The following APPL2 variants were observed in gnomAD, a reference collection of about 807,000 sequenced individuals.
APPL2 encodes the protein adaptor protein, phosphotyrosine interacting with PH domain and leucine zipper 2, also known as DCC-interacting protein 13-beta.
In APPL2, 84 loss-of-function variants were observed where a neutral mutation model predicts 92.7. The ratio of observed to expected loss-of-function variants is 0.91; its 90% CI spans 0.76 to 1.09. The LOEUF (loss-of-function observed/expected upper bound fraction) is 1.09. APPL2 is among the 50% of genes least tolerant of loss of function. The pLI, the probability that APPL2 is intolerant of heterozygous loss-of-function variation, is 0.00. For synonymous variants in APPL2, 291 were observed against 291.0 expected, an observed-to-expected ratio of 1.00 and a Z score of 0.00; for missense variants, 736 against 824.5, an observed-to-expected ratio of 0.89 and a Z score of 1.31.
intron 4 of APPL2, among the ~76,000 whole-genome samples, chr12:105,213,126 G>A (rs1458724327): frequency 6.6e-6 from 1 of 152,192 alleles, no homozygotes; most frequent in East Asian, 1.9e-4. Flanking sequence ...AATTAAGTGG[G>A]CCTTGCTGAT....
chr12:105,207,863 TAAA>T, intron 7 of APPL2, 105 bp downstream of exon 7: 2 of 802,258 alleles, frequency 2.5e-6, no homozygotes, highest in South Asian at 1.9e-5. Flanking sequence ...CATGTATAGT[TAAA>T]AAAAAAAATA....
At position 105,174,298 on chromosome 12, in the gene APPL2, C is replaced by T. The variant is rs376551884; in HGVS notation, c.*16G>A. The T allele has an allele frequency of 3.1e-5, 50 of 1,612,468 alleles. No homozygotes were observed. Among genetic ancestry groups the T allele is most frequent in the Middle Eastern group, 3.3e-4 (2 of 6,074 alleles). ...CTCTCCTTCCTGTTTGCTCTTCCCC[C>T]ACAGGCGCAAGTGAGTTATGCTTCG... On this transcript the variant is annotated 3_prime_UTR_variant, in exon 21 of 21. Transcript: ENST00000258530.
intron 9 of APPL2, 69 bp from the exon 10 acceptor site, chr12:105,199,600 C>A: frequency 1.3e-6 from 2 of 1,521,524 alleles, no homozygotes; most frequent in East Asian, 2.3e-5. Flanking sequence ...AAGCCACTGG[C>A]AGCCATCACT....
rs78451516 is a variant in APPL2 at position 105,199,089 on chromosome 12, C to T, written c.863+284G>A. Among the ~76,000 whole-genome samples, 650 of 152,260 alleles carry T rather than the reference C, an allele frequency of 4.3e-3. 3 individuals carry two copies. Among genetic ancestry groups the T allele is most frequent in the Middle Eastern group, 0.014 (4 of 294 alleles). On this transcript the variant is annotated intron_variant, in intron 10 of 20. Transcript: ENST00000258530. ...GATAAAAACTGTCAGTGGTCCAGGA[C>T]GGCAACAGTTAAGAGTGGTCTGTTT...
chr12:105,231,187 C>T (rs1284457501), intron 1 of APPL2, among the ~76,000 whole-genome samples: 1 of 152,220 alleles, frequency 6.6e-6, no homozygotes, highest in Non-Finnish European at 1.5e-5. Context: ...AGTGATATAA[C>T]TGGATTGTGG....
At chr12:105,196,609 T>C (rs1248136191) in intron 11 of APPL2, among the ~76,000 whole-genome samples, 1 of 151,946 alleles carries the variant, frequency 6.6e-6, no homozygotes, top group Admixed American at 6.6e-5. Flanking sequence ...GCCCGGCCAA[T>C]TTTGTATTTC....
intron 2 of APPL2, among the ~76,000 whole-genome samples, chr12:105,228,204 G>C (rs113067248): frequency 6.6e-6 from 1 of 152,226 alleles, no homozygotes; most frequent in African/African-American, 2.4e-5. Context: ...TAAGTACCCT[G>C]CATCTGAAAT....
chr12:105,211,164 A>G lies in APPL2; in HGVS notation c.373+66T>C, dbSNP rs1592812171. ...TCCACACATTGAAAGAAATGCAGTA[A>G]GAATTATTATGAAATGCATTACACA... On this transcript the variant is annotated intron_variant, in intron 5 of 20. Coordinates refer to ENST00000258530, the MANE Select transcript of APPL2 (RefSeq NM_018171.5). 6 of 1,124,016 alleles carry G rather than the reference A, an allele frequency of 5.3e-6. No homozygotes were observed. The East Asian group carries it at 9.5e-5, about 18-fold the overall frequency. The allele number at this position is 1,124,016 out of a possible 1,614,324, so 69.6% of individuals were successfully genotyped here. A position where few individuals can be genotyped will look rare whatever the true frequency, so the allele number is the denominator to read the frequency against.
intron 4 of APPL2, among the ~76,000 whole-genome samples, chr12:105,214,488 T>C (rs1889492658): frequency 6.6e-6 from 1 of 152,270 alleles, no homozygotes; most frequent in Admixed American, 6.5e-5. Flanking sequence ...TCACATCTTC[T>C]ATGTATCTTT....
intron 4 of APPL2, among the ~76,000 whole-genome samples, chr12:105,215,112 A>G (rs1378999382): frequency 6.6e-6 from 1 of 152,176 alleles, no homozygotes; most frequent in Non-Finnish European, 1.5e-5. Flanking sequence ...TTTGTGGGCC[A>G]TTCTAGAAAA....
intron 8 of APPL2, 95 bp from the exon 9 acceptor site, chr12:105,203,880 CAGCT>C: frequency 9.0e-7 from 1 of 1,116,488 alleles, no homozygotes; most frequent in Non-Finnish European, 1.3e-6. Context: ...GCAGCCATCA[CAGCT>C]GGCTGGCCCG....
At chr12:105,208,502 G>A (rs530149182) in intron 5 of APPL2, among the ~76,000 whole-genome samples, 139 of 152,296 alleles carry the variant, frequency 9.1e-4, no homozygotes, top group African/African-American at 3.0e-3. Context: ...GTGGTGGACA[G>A]GTACTTTTCA....
rs1355616849 is a variant in APPL2 at position 105,236,079 on chromosome 12, G to C, written c.-67C>G. On this transcript the variant is annotated 5_prime_UTR_variant, in exon 1 of 21. Transcript: ENST00000258530. The stretch of plus-strand genomic sequence containing the variant: ...AGGGCAGGAGACGCGGCGGCCGAGA[G>C]CACTCCCCGGCTCTGGGCTCAGGCG... The C allele has an allele frequency of 8.7e-7, 1 of 1,143,826 alleles. No individual in the cohort carries two copies. The highest frequency in any genetic ancestry group is 1.1e-6 in the Non-Finnish European group (1 of 910,266). 70.9% of individuals were successfully genotyped at this position (1,143,826 alleles called of 1,614,324 possible).
At position 105,217,911 on chromosome 12, in the gene APPL2, T is replaced by G. The variant is rs534979825; in HGVS notation, c.154-186A>C. ...TGAGACCAGGAGTTTGAGACCAGAC[T>G]AGGCAACACAGCAAAACTCCATCTC... On this transcript the variant is annotated intron_variant, in intron 2 of 20. Coordinates refer to ENST00000258530, the MANE Select transcript of APPL2 (RefSeq NM_018171.5). 2.4e-4 allele frequency among the ~76,000 whole-genome samples: 36 copies of G among 152,256 alleles called. No individual in the cohort carries two copies. The South Asian group carries it at 7.3e-3, about 31-fold the overall frequency.
intron 2 of APPL2, among the ~76,000 whole-genome samples, chr12:105,220,621 A>T (rs1426243311): frequency 1.3e-5 from 2 of 152,226 alleles, no homozygotes; most frequent in Non-Finnish European, 2.9e-5. Context: ...AGACTGGTCA[A>T]CACATATAAC....
At chr12:105,235,867 C>T in intron 1 of APPL2, 92 bp downstream of exon 1, 1 of 1,108,680 alleles carries the variant, frequency 9.0e-7, no homozygotes, top group East Asian at 3.4e-5. Flanking sequence ...CCCGCGGCTG[C>T]CCGGCCGGGG....
Position 105,177,241 on chromosome 12 carries a change from T to C in APPL2, c.1656A>G (p.Gln552=). The change falls in exon 18 of 21, where the codon CAA becomes CAG. Residue 552 remains glutamine (Q), a synonymous_variant. Transcript: ENST00000258530. ...QSLRLIDPQT[Q]VSRANFELTS... is the part of the protein sequence containing the mutation. ...CGGTACTTACATTGGCCCTTGATAC[T>C]TGAGTCTGTGGATCTATCAACCTGA... 2 of 1,614,028 alleles carry C rather than the reference T, an allele frequency of 1.2e-6. No homozygotes were observed. Among genetic ancestry groups the C allele is most frequent in the Non-Finnish European group, 1.7e-6 (2 of 1,179,866 alleles).
intron 17 of APPL2, among the ~76,000 whole-genome samples, chr12:105,187,915 G>A (rs964313606): frequency 3.3e-5 from 5 of 151,834 alleles, no homozygotes; most frequent in African/African-American, 1.2e-4. Context: ...AAGTTATTTA[G>A]GCAGATTTTT....
chr12:105,196,693 G>A (rs1028939696), intron 11 of APPL2, among the ~76,000 whole-genome samples: 2 of 151,990 alleles, frequency 1.3e-5, no homozygotes, highest in African/African-American at 4.8e-5. Context: ...CACCTGCCTC[G>A]GCCTCCCAAA....
Sources: allele counts gnomAD v4.1 joint callset (sites outside exome capture counted in the v4.1 genomes callset), GRCh38; gene constraint gnomAD v4.1.1; transcripts MANE v1.5; gene names NCBI Gene and HGNC (gene_info 2026-07-23, HGNC 2026-07-21).